The following CSMD1 variants were observed in gnomAD, a reference collection of about 807,000 sequenced individuals.
CSMD1 encodes CUB and sushi domain-containing protein 1.
Under a neutral mutation model 417.5 loss-of-function variants are expected in CSMD1, and 213 were observed. That is an observed-to-expected ratio of 0.51 (90% CI 0.46 to 0.57). The LOEUF (loss-of-function observed/expected upper bound fraction) is 0.57. Ranked by LOEUF, CSMD1 falls within the 20% of genes least tolerant of loss-of-function variation. CSMD1 has a pLI of 0.00. For missense variants in CSMD1, 6,923 were observed against 4,529.7 expected, an observed-to-expected ratio of 1.53 and a Z score of -15.17; for synonymous variants, 2,862 against 1,736.8, an observed-to-expected ratio of 1.65 and a Z score of -16.11.
intron 2 of CSMD1, among the ~76,000 whole-genome samples, chr8:4,584,001 G>A (rs1261687216): frequency 6.6e-6 from 1 of 151,810 alleles, no homozygotes; most frequent in Non-Finnish European, 1.5e-5. Context: ...GGGAGGGGAG[G>A]AACGAACAAC....
chr8:3,264,878 T>C (rs1307380468), intron 26 of CSMD1, among the ~76,000 whole-genome samples: 1 of 152,110 alleles, frequency 6.6e-6, no homozygotes, highest in Non-Finnish European at 1.5e-5. Context: ...GTGTGGCCTG[T>C]GTGTGTATAC....
chr8:3,681,608 T>C (rs1799666822), intron 7 of CSMD1, among the ~76,000 whole-genome samples: 1 of 152,104 alleles, frequency 6.6e-6, no homozygotes, highest in Non-Finnish European at 1.5e-5. Context: ...AAAATGGCCA[T>C]ACTGCCCAAG....
At chr8:3,154,395 C>T (rs889474085) in intron 39 of CSMD1, among the ~76,000 whole-genome samples, 3 of 152,210 alleles carry the variant, frequency 2.0e-5, no homozygotes, top group Non-Finnish European at 4.4e-5. Context: ...CCCTCCATGC[C>T]AGACCCTTTC....
rs71207092 is a variant in CSMD1, at chr8:4,456,985, T to TTTTA, written c.303-36921_303-36920insTAAA. 7.2e-3 allele frequency among the ~76,000 whole-genome samples: 999 copies of TTTTA among 138,800 alleles called. 6 individuals carry two copies. The highest frequency in any genetic ancestry group is 0.011 in the Non-Finnish European group (733 of 64,938). The allele number at this position is 138,800 out of a possible 152,430, so 91.1% of individuals were successfully genotyped here. A position where few individuals can be genotyped will look rare whatever the true frequency, so the allele number is the denominator to read the frequency against. ...GATTTTGATGAGTGTGGTTTTTTTT[T>TTTTA]AAAAAAAAAAAAAACAACAAGAAAA... On this transcript the variant is annotated intron_variant, in intron 2 of 69. Coordinates refer to ENST00000635120, the MANE Select transcript of CSMD1 (RefSeq NM_033225.6).
At chr8:3,733,650 C>A (rs1158527433) in intron 6 of CSMD1, among the ~76,000 whole-genome samples, 1 of 152,068 alleles carries the variant, frequency 6.6e-6, no homozygotes, top group African/African-American at 2.4e-5. Context: ...CCAGAAGGTC[C>A]CTGCTGTTTG....
At chr8:4,777,953 G>C (rs373986016) in intron 1 of CSMD1, among the ~76,000 whole-genome samples, 38 of 152,176 alleles carry the variant, frequency 2.5e-4, no homozygotes, top group African/African-American at 8.7e-4. Context: ...AGGGATGTGT[G>C]ACAAATACGT....
At chr8:4,904,621 C>T (rs753645958) in intron 1 of CSMD1, among the ~76,000 whole-genome samples, 30 of 152,142 alleles carry the variant, frequency 2.0e-4, no homozygotes, top group African/African-American at 2.9e-4. Context: ...AGCCAGGGAG[C>T]GCCCAACCAT....
chr8:4,945,975 C>G (rs1358819778), intron 1 of CSMD1, among the ~76,000 whole-genome samples: 3 of 152,110 alleles, frequency 2.0e-5, no homozygotes, highest in African/African-American at 7.2e-5. Flanking sequence ...ATCAGAGGCT[C>G]CAGAAGACAC....
chr8:4,085,793 C>A (rs897923396), intron 3 of CSMD1, among the ~76,000 whole-genome samples: 1 of 152,078 alleles, frequency 6.6e-6, no homozygotes. Context: ...ATATGTTTAT[C>A]ATAAAGACAC....
In CSMD1 at chr8:4,164,889, A is replaced by AT. The variant is rs1214153237; in HGVS notation, c.416-132791_416-132790insA. 2.4e-3 allele frequency among the ~76,000 whole-genome samples: 151 copies of AT among 64,010 alleles called. 1 individual carries two copies. The South Asian group carries it at 0.024, about 10-fold the overall frequency. 42.0% of individuals were successfully genotyped at this position (64,010 alleles called of 152,430 possible). On this transcript the variant is annotated intron_variant, in intron 3 of 69. Coordinates refer to ENST00000635120, the MANE Select transcript of CSMD1 (RefSeq NM_033225.6). ...AAGACTCCATCTCAAAGAAAAAAAAAAATATATATATATGTATATATATAG... is the reference window on the plus strand; with the variant it reads ...AAGACTCCATCTCAAAGAAAAAAAAATAATATATATATATGTATATATATAG...
chr8:3,972,723 G>A (rs1162606354), intron 5 of CSMD1, among the ~76,000 whole-genome samples: 2 of 152,180 alleles, frequency 1.3e-5, no homozygotes, highest in South Asian at 2.1e-4. Context: ...CTACTTGTGG[G>A]AGTAAACACA....
Position 4,801,731 on chromosome 8 carries a change from T to C in CSMD1, c.86-164173A>G, listed in dbSNP as rs115299864. On this transcript the variant is annotated intron_variant, in intron 1 of 69. Coordinates refer to ENST00000635120, the MANE Select transcript of CSMD1 (RefSeq NM_033225.6). Reference sequence around the variant, plus strand: ...TAAACTACCCACCACCCCACATTAATAATAGGAAAAACACAGAAACTTTGT... The same window carrying C: ...TAAACTACCCACCACCCCACATTAACAATAGGAAAAACACAGAAACTTTGT... Among the ~76,000 whole-genome samples the C allele has an allele frequency of 1.2e-3, 180 of 150,816 alleles. 2 individuals carry two copies. The highest frequency in any genetic ancestry group is 4.3e-3 in the African/African-American group (175 of 40,984).
chr8:4,591,170 T>C (rs1799964299), intron 2 of CSMD1, among the ~76,000 whole-genome samples: 1 of 152,212 alleles, frequency 6.6e-6, no homozygotes, highest in African/African-American at 2.4e-5. Flanking sequence ...GTGCTTACTG[T>C]TTACAACATA....
At chr8:4,255,273 T>C (rs1303587560) in intron 3 of CSMD1, among the ~76,000 whole-genome samples, 2 of 152,150 alleles carry the variant, frequency 1.3e-5, no homozygotes, top group African/African-American at 4.8e-5. Flanking sequence ...TTCTTTATCA[T>C]ACTCTTCATT....
At chr8:4,528,528 G>A (rs750415801) in intron 2 of CSMD1, among the ~76,000 whole-genome samples, 1 of 152,144 alleles carries the variant, frequency 6.6e-6, no homozygotes, top group Non-Finnish European at 1.5e-5. Context: ...ACAATACTTT[G>A]CTGTGTACTT....
chr8:4,814,560 GAAT>G (rs1799096197), intron 1 of CSMD1, among the ~76,000 whole-genome samples: 1 of 152,202 alleles, frequency 6.6e-6, no homozygotes, highest in South Asian at 2.1e-4. Flanking sequence ...TTATAGCCCA[GAAT>G]AATGATTTAT....
chr8:3,781,977 G>C (rs368102839), intron 5 of CSMD1, among the ~76,000 whole-genome samples: 1 of 152,082 alleles, frequency 6.6e-6, no homozygotes, highest in Non-Finnish European at 1.5e-5. Context: ...GGTAAGAGAA[G>C]GGATGATGAT....
intron 12 of CSMD1, among the ~76,000 whole-genome samples, chr8:3,450,405 C>G (rs1342276032): frequency 5.3e-5 from 8 of 151,918 alleles, no homozygotes; most frequent in Non-Finnish European, 8.8e-5. Flanking sequence ...TGGTGTGCTG[C>G]ACCCATTAAC....
chr8:4,789,545 T>A lies in CSMD1; in HGVS notation c.86-151987A>T, dbSNP rs574781344. 7.2e-5 allele frequency among the ~76,000 whole-genome samples: 11 copies of A among 152,298 alleles called. No individual in the cohort carries two copies. The South Asian group carries it at 2.3e-3, about 32-fold the overall frequency. On this transcript the variant is annotated intron_variant, in intron 1 of 69. Coordinates refer to ENST00000635120, the MANE Select transcript of CSMD1 (RefSeq NM_033225.6). The stretch of plus-strand genomic sequence containing the variant: ...TTTTACTGTGCATCTACCTGGGATC[T>A]ACCACCAAAGCTTTTGTTCACAATC...
Sources: gnomAD v4.1 joint callset for allele counts (sites outside exome capture counted in the v4.1 genomes callset) on GRCh38, gnomAD v4.1.1 for gene constraint, MANE v1.5 for transcripts, NCBI Gene and HGNC (gene_info 2026-07-23, HGNC 2026-07-21) for gene names.